The following OR2T35 variants were observed in gnomAD, a reference collection of about 807,000 sequenced individuals.
OR2T35 encodes olfactory receptor 2T35.
For synonymous variants in OR2T35, 18 were observed against 110.2 expected, an observed-to-expected ratio of 0.16 and a Z score of 5.24; for missense variants, 47 against 278.8, an observed-to-expected ratio of 0.17 and a Z score of 5.92.
intron 1 of OR2T35, among the ~76,000 whole-genome samples, chr1:248,641,722 TGTGA>T (rs1365291166): frequency 1.1e-4 from 9 of 79,788 alleles, no homozygotes; most frequent in Admixed American, 3.2e-4. Context: ...AAAGGTTCCT[TGTGA>T]GTGTGAGCGT....
chr1:248,642,216 C>CAAAAA (rs61189391), intron 1 of OR2T35, among the ~76,000 whole-genome samples: 715 of 53,392 alleles, frequency 0.013, 18 homozygotes, highest in Middle Eastern at 0.029. Context: ...CTAGTCTTTC[C>CAAAAA]AAAAAAAAAA....
intron 1 of OR2T35, among the ~76,000 whole-genome samples, chr1:248,644,826 T>C (rs551080719): frequency 7.1e-6 from 1 of 140,298 alleles, no homozygotes; most frequent in Non-Finnish European, 1.6e-5. Flanking sequence ...ACTCCTGTAC[T>C]CCGTCTGCTT....
intron 1 of OR2T35, 30 bp downstream of exon 1, chr1:248,645,217 T>C (rs548352872): frequency 8.8e-5 from 11 of 125,128 alleles, no homozygotes; most frequent in Non-Finnish European, 1.4e-4. Context: ...GTTTGATGAA[T>C]ACAGGTTTTA....
At chr1:248,641,941 C>A (rs1660789447) in intron 1 of OR2T35, among the ~76,000 whole-genome samples, 1 of 70,382 alleles carries the variant, frequency 1.4e-5, no homozygotes, top group African/African-American at 3.1e-5. Context: ...CAAATGCATG[C>A]CTAATGTTAT....
At position 248,638,810 on chromosome 1, in the gene OR2T35, AC is replaced by A; in HGVS notation, c.448del (p.Val150LeufsTer10). ...VCLFMVVGSW[V>X]GGSLDGFMLT... ...CATGAACCCATCCAAGGAACCACCA[AC>A]CCAGGAGCCGACCACCATGAATAAG... is the stretch of plus-strand genomic sequence containing the variant. On this transcript the variant is annotated frameshift_variant, in exon 2 of 2. Coordinates refer to ENST00000641268, the MANE Select transcript of OR2T35 (RefSeq NM_001001827.2). LOFTEE classifies it low-confidence loss of function (END_TRUNC). The A allele has an allele frequency of 9.9e-7, 1 of 1,010,274 alleles. No individual in the cohort carries two copies. The highest frequency in any genetic ancestry group is 1.5e-6 in the Non-Finnish European group (1 of 685,842). 62.6% of individuals were successfully genotyped at this position (1,010,274 alleles called of 1,614,324 possible).
At chr1:248,642,082 G>A (rs1292622654) in intron 1 of OR2T35, among the ~76,000 whole-genome samples, 7 of 82,698 alleles carry the variant, frequency 8.5e-5, no homozygotes, top group Non-Finnish European at 2.6e-4. Flanking sequence ...ATGCTATTTA[G>A]CATTACGACG....
chr1:248,636,468 TGCTA>T lies in OR2T35; in HGVS notation c.*1815_*1818del, dbSNP rs1406337459. The T allele has an allele frequency of 2.0e-4, 9 of 44,130 alleles. No homozygotes were observed. Among genetic ancestry groups the T allele is most frequent in the Non-Finnish European group, 4.9e-4 (8 of 16,326 alleles). 2.7% of individuals were successfully genotyped at this position (44,130 alleles called of 1,614,324 possible). A position where few individuals can be genotyped will look rare whatever the true frequency, so the allele number is the denominator to read the frequency against. On this transcript the variant is annotated 3_prime_UTR_variant, in exon 2 of 2. Coordinates refer to ENST00000641268, the MANE Select transcript of OR2T35 (RefSeq NM_001001827.2). ...TTTTGTAGAGGGAAGATCGAGAAGGTGCTAGCTAAGGCAGGAGAATGGAGAATAT... is the reference window on the plus strand; with the variant it reads ...TTTTGTAGAGGGAAGATCGAGAAGGTGCTAAGGCAGGAGAATGGAGAATAT...
Position 248,642,227 on chromosome 1 carries a change from A to G in OR2T35, c.-22-2947T>C, listed in dbSNP as rs865927442. ...TCAACTAGTCTTTCCAAAAAAAAAA[A>G]AAAAAAAAGAAAAAGAAAAAGAAAA... On this transcript the variant is annotated intron_variant, in intron 1 of 1. Transcript: ENST00000641268. 7.4e-3 allele frequency among the ~76,000 whole-genome samples: 438 copies of G among 59,462 alleles called. 61 individuals carry two copies. The highest frequency in any genetic ancestry group is 0.014 in the African/African-American group (419 of 30,476). The allele number at this position is 59,462 out of a possible 152,430, so 39.0% of individuals were successfully genotyped here. A position where few individuals can be genotyped will look rare whatever the true frequency, so the allele number is the denominator to read the frequency against.
intron 1 of OR2T35, among the ~76,000 whole-genome samples, chr1:248,644,165 A>G (rs1283899043): frequency 1.7e-5 from 2 of 121,114 alleles, no homozygotes; most frequent in African/African-American, 6.0e-5. Flanking sequence ...CACATGGTAG[A>G]TAGCAACCTG....
At position 248,642,231 on chromosome 1, in the gene OR2T35, A is replaced by AAG. The variant is rs1553273948; in HGVS notation, c.-22-2952_-22-2951insCT. Among the ~76,000 whole-genome samples, 158 of 56,582 alleles carry AAG rather than the reference A, an allele frequency of 2.8e-3. 1 individual carries two copies. The highest frequency in any genetic ancestry group is 4.8e-3 in the African/African-American group (152 of 31,442). The allele number at this position is 56,582 out of a possible 152,430, so 37.1% of individuals were successfully genotyped here. Reference sequence around the variant, plus strand: ...CTAGTCTTTCCAAAAAAAAAAAAAAAAAAAGAAAAAGAAAAAGAAAAAGCT... The same window carrying AAG: ...CTAGTCTTTCCAAAAAAAAAAAAAAAAGAAAAGAAAAAGAAAAAGAAAAAGCT... On this transcript the variant is annotated intron_variant, in intron 1 of 1. Coordinates refer to ENST00000641268, the MANE Select transcript of OR2T35 (RefSeq NM_001001827.2).
intron 1 of OR2T35, 141 bp from the exon 2 acceptor site, chr1:248,639,421 T>C: frequency 1.5e-6 from 1 of 671,670 alleles, no homozygotes; most frequent in East Asian, 2.6e-5. Context: ...GTTTCAGTAT[T>C]AATGATCTGT....
chr1:248,644,851 A>G (rs1404238976), intron 1 of OR2T35, among the ~76,000 whole-genome samples: 2 of 139,834 alleles, frequency 1.4e-5, no homozygotes, highest in South Asian at 2.2e-4. Flanking sequence ...GAATGAATGC[A>G]TTTGGACCTT....
In OR2T35 at chr1:248,638,167, G is replaced by C. The variant is rs1336298601; in HGVS notation, c.*120C>G. 1.0e-5 allele frequency: 7 copies of C among 678,608 alleles called. No homozygotes were observed. The East Asian group carries it at 2.5e-4, about 24-fold the overall frequency. 42.0% of individuals were successfully genotyped at this position (678,608 alleles called of 1,614,324 possible). A position where few individuals can be genotyped will look rare whatever the true frequency, so the allele number is the denominator to read the frequency against. On this transcript the variant is annotated 3_prime_UTR_variant, in exon 2 of 2. Coordinates refer to ENST00000641268, the MANE Select transcript of OR2T35 (RefSeq NM_001001827.2). The stretch of plus-strand genomic sequence containing the variant: ...TAGCTGCGTTATTGGCCGCAGCACC[G>C]CAGATGTTTGCACTAGTCCCTGCTA...
At chr1:248,639,791 G>T (rs1336863967) in intron 1 of OR2T35, among the ~76,000 whole-genome samples, 1 of 14,832 alleles carries the variant, frequency 6.7e-5, no homozygotes, top group Non-Finnish European at 2.4e-4. Context: ...TTTTTTGGCT[G>T]CTGTTGTTAC....
rs1280531364 is a variant in OR2T35, at chr1:248,645,245, AC to A, written c.-23+1del. 1 of 122,684 alleles carries A rather than the reference AC, an allele frequency of 8.2e-6. No individual in the cohort carries two copies. Among genetic ancestry groups the A allele is most frequent in the Non-Finnish European group, 1.8e-5 (1 of 55,484 alleles). The allele number at this position is 122,684 out of a possible 1,614,324, so 7.6% of individuals were successfully genotyped here. ...AGGTTTTAATGCTACATGCCAACTT[AC>A]CTAAACTACATTGTCAAGGATATCA... is the stretch of plus-strand genomic sequence containing the variant. On this transcript the variant is annotated splice_donor_variant, in intron 1 of 1. Transcript: ENST00000641268. LOFTEE classifies it low-confidence loss of function (5UTR_SPLICE).
chr1:248,638,254 A>G lies in OR2T35; in HGVS notation c.*33T>C, dbSNP rs1287577430. 9.6e-7 allele frequency: 1 copy of G among 1,042,572 alleles called. No individual in the cohort carries two copies. Among genetic ancestry groups the G allele is most frequent in the Non-Finnish European group, 1.5e-6 (1 of 687,264 alleles). The allele number at this position is 1,042,572 out of a possible 1,614,324, so 64.6% of individuals were successfully genotyped here. ...GAGTCCCCGCTAATCCTTCCCGATCACAGTCACCACTCTGATACTCTGGGA... is the reference window on the plus strand; with the variant it reads ...GAGTCCCCGCTAATCCTTCCCGATCGCAGTCACCACTCTGATACTCTGGGA... On this transcript the variant is annotated 3_prime_UTR_variant, in exon 2 of 2. Transcript: ENST00000641268.
At chr1:248,644,496 TAGC>T (rs1660830260) in intron 1 of OR2T35, among the ~76,000 whole-genome samples, 2 of 128,854 alleles carry the variant, frequency 1.6e-5, no homozygotes, top group Admixed American at 7.4e-5. Context: ...AAATGGGAAT[TAGC>T]AGGCACTAGG....
chr1:248,638,280 G>T lies in OR2T35; in HGVS notation c.*7C>A. On this transcript the variant is annotated 3_prime_UTR_variant, in exon 2 of 2. Coordinates refer to ENST00000641268, the MANE Select transcript of OR2T35 (RefSeq NM_001001827.2). ...CAGTCACCACTCTGATACTCTGGGA[G>T]TCCCTGCTAGCCCTTCCTGATCACA... The T allele has an allele frequency of 8.4e-7, 1 of 1,185,918 alleles. No homozygotes were observed. The highest frequency in any genetic ancestry group is 2.2e-5 in the Admixed American group (1 of 45,234). 73.5% of individuals were successfully genotyped at this position (1,185,918 alleles called of 1,614,324 possible).
chr1:248,639,540 C>CA (rs1660764590), intron 1 of OR2T35, among the ~76,000 whole-genome samples: 2 of 145,824 alleles, frequency 1.4e-5, no homozygotes, highest in African/African-American at 2.5e-5. Context: ...GTAATTCATA[C>CA]AGTACCTGGT....
Sources: allele counts gnomAD v4.1 joint callset (sites outside exome capture counted in the v4.1 genomes callset), GRCh38; gene constraint gnomAD v4.1.1; transcripts MANE v1.5; gene names NCBI Gene and HGNC (gene_info 2026-07-23, HGNC 2026-07-21).